FLI1: variants seen among roughly 807,000 people sequenced by gnomAD.
The protein encoded by FLI1 is Fli-1 proto-oncogene, ETS transcription factor.
Under a neutral mutation model 53.1 loss-of-function variants are expected in FLI1, and 13 were observed. The observed-to-expected ratio is 0.24, with a 90% CI of 0.16 to 0.39. The LOEUF (loss-of-function observed/expected upper bound fraction) is 0.39. Ranked by LOEUF, FLI1 falls within the 10% of genes least tolerant of loss-of-function variation. The pLI is 1.00. For synonymous variants in FLI1, 244 were observed against 236.7 expected, an observed-to-expected ratio of 1.03 and a Z score of -0.28; for missense variants, 424 against 600.5, an observed-to-expected ratio of 0.71 and a Z score of 3.07.
intron 1 of FLI1, among the ~76,000 whole-genome samples, chr11:128,699,834 A>C (rs1938245579): frequency 6.6e-6 from 1 of 152,174 alleles, no homozygotes; most frequent in Non-Finnish European, 1.5e-5. Context: ...TAATCTATGG[A>C]ATAAACCTTT....
chr11:128,789,280 A>G (rs1302957705), intron 5 of FLI1, among the ~76,000 whole-genome samples: 1 of 152,150 alleles, frequency 6.6e-6, no homozygotes, highest in African/African-American at 2.4e-5. Context: ...CCTGGGGTAG[A>G]ACCTGTGCAC....
chr11:128,807,144 G>A, intron 6 of FLI1, 36 bp from the exon 7 acceptor site: 1 of 1,515,604 alleles, frequency 6.6e-7, no homozygotes, highest in Non-Finnish European at 9.0e-7. Flanking sequence ...GGGGAGCTGG[G>A]TCCTACTCAC....
rs1242469003 is a variant in FLI1, at chr11:128,812,835, C to T, written c.*1847C>T. The T allele has an allele frequency of 1.7e-5, 2 of 116,800 alleles. No homozygotes were observed. The highest frequency in any genetic ancestry group is 4.1e-5 in the Non-Finnish European group (2 of 48,654). The allele number at this position is 116,800 out of a possible 1,614,324, so 7.2% of individuals were successfully genotyped here. On this transcript the variant is annotated 3_prime_UTR_variant, in exon 9 of 9. Coordinates refer to ENST00000527786, the MANE Select transcript of FLI1 (RefSeq NM_002017.5). ...GGTCTCAGACCAGGACTTTATGGCT[C>T]ATGCAGATTTTTAAGGTCATTTTTC...
chr11:128,787,546 A>G (rs760515234), intron 5 of FLI1, among the ~76,000 whole-genome samples: 17 of 152,152 alleles, frequency 1.1e-4, no homozygotes, highest in Non-Finnish European at 1.8e-4. Flanking sequence ...ATTATAGCAT[A>G]CTGATTAAAA....
intron 2 of FLI1, 148 bp from the exon 3 acceptor site, chr11:128,767,970 A>C: frequency 1.5e-6 from 1 of 651,864 alleles, no homozygotes; most frequent in Non-Finnish European, 2.6e-6. Context: ...GAGGATAGAA[A>C]GAGGGCATCA....
Position 128,768,198 on chromosome 11 carries a change from G to C in FLI1, c.311G>C (p.Ser104Thr). The C allele has an allele frequency of 6.2e-7, 1 of 1,613,892 alleles. No individual in the cohort carries two copies. Among genetic ancestry groups the C allele is most frequent in the Non-Finnish European group, 8.5e-7 (1 of 1,179,844 alleles). Residue 104 changes from serine to threonine, a missense_variant, in exon 3 of 9, where the codon AGC (serine) becomes ACC (threonine). Transcript: ENST00000527786. Reference sequence around the variant, plus strand: ...GAGTCCAACCCCATGAACTACAACAGCTATATGGACGAGAAGAATGGCCCC... The same window carrying C: ...GAGTCCAACCCCATGAACTACAACACCTATATGGACGAGAAGAATGGCCCC... ...GGESNPMNYN[S>T]YMDEKNGPPP...
rs571220802 is a variant in FLI1 at position 128,750,189 on chromosome 11, G to A, written c.19-7926G>A. Among the ~76,000 whole-genome samples, 30 of 152,314 alleles carry A rather than the reference G, an allele frequency of 2.0e-4. 1 individual carries two copies. In the South Asian group the frequency reaches 5.8e-3, roughly 29 times the overall value. On this transcript the variant is annotated intron_variant, in intron 1 of 8. Coordinates refer to ENST00000527786, the MANE Select transcript of FLI1 (RefSeq NM_002017.5). ...CCCTGCACTGGGAGCGGCGGAGTGG[G>A]CCCACTGAGCAGGGCAGCCACAGGG...
At chr11:128,738,899 G>A (rs1940014401) in intron 1 of FLI1, among the ~76,000 whole-genome samples, 1 of 152,202 alleles carries the variant, frequency 6.6e-6, no homozygotes, top group Non-Finnish European at 1.5e-5. Flanking sequence ...CAGTATCTAT[G>A]TTGGGCTTTT....
At chr11:128,760,415 G>A (rs1283576235) in intron 2 of FLI1, among the ~76,000 whole-genome samples, 1 of 151,582 alleles carries the variant, frequency 6.6e-6, no homozygotes, top group Non-Finnish European at 1.5e-5. Context: ...TCCTGCCAAC[G>A]CCCACCTGGT....
At chr11:128,751,488 C>G (rs187545955) in intron 1 of FLI1, among the ~76,000 whole-genome samples, 2 of 151,678 alleles carry the variant, frequency 1.3e-5, no homozygotes, top group Non-Finnish European at 2.9e-5. Flanking sequence ...TAGCTAGGAC[C>G]ACAGACACAC....
At chr11:128,792,516 C>T (rs141474813) in intron 5 of FLI1, among the ~76,000 whole-genome samples, 51 of 152,262 alleles carry the variant, frequency 3.3e-4, no homozygotes, top group African/African-American at 8.7e-4. Context: ...GCTTTGTCCA[C>T]GCTTATCAGT....
chr11:128,713,812 C>T (rs1451993966), intron 1 of FLI1, among the ~76,000 whole-genome samples: 3 of 152,122 alleles, frequency 2.0e-5, no homozygotes, highest in Non-Finnish European at 4.4e-5. Context: ...GAGAACAGGC[C>T]TTCCAATAAG....
chr11:128,694,212 G>A lies in FLI1; in HGVS notation c.-47G>A. 6.6e-7 allele frequency: 1 copy of A among 1,523,380 alleles called. No individual in the cohort carries two copies. Among genetic ancestry groups the A allele is most frequent in the Non-Finnish European group, 8.8e-7 (1 of 1,136,196 alleles). The allele number at this position is 1,523,380 out of a possible 1,614,324, so 94.4% of individuals were successfully genotyped here. A position where few individuals can be genotyped will look rare whatever the true frequency, so the allele number is the denominator to read the frequency against. The stretch of plus-strand genomic sequence containing the variant: ...GGGGCTGCGAGGTCAGGCTGTAACC[G>A]GGTCAATGTGTGGAATATTGGGGGG... On this transcript the variant is annotated 5_prime_UTR_variant, in exon 1 of 9. Coordinates refer to ENST00000527786, the MANE Select transcript of FLI1 (RefSeq NM_002017.5).
intron 7 of FLI1, among the ~76,000 whole-genome samples, chr11:128,807,889 G>A (rs747704871): frequency 5.9e-5 from 9 of 152,044 alleles, no homozygotes; most frequent in Non-Finnish European, 1.2e-4. Context: ...TGCTTCCTCC[G>A]AAATCCTTTG....
At chr11:128,735,432 G>A (rs75234879) in intron 1 of FLI1, among the ~76,000 whole-genome samples, 302 of 152,264 alleles carry the variant, frequency 2.0e-3, no homozygotes, top group Non-Finnish European at 2.8e-3. Flanking sequence ...GATTTAAGGT[G>A]GGCTTTTTAT....
chr11:128,764,322 C>T (rs769223434), intron 2 of FLI1, among the ~76,000 whole-genome samples: 1 of 152,182 alleles, frequency 6.6e-6, no homozygotes, highest in East Asian at 1.9e-4. Flanking sequence ...AAACAGAACT[C>T]GAGGAGTCAA....
rs779654903 is a variant in FLI1 at position 128,810,950 on chromosome 11, A to G, written c.1321A>G (p.Asn441Asp). 9 of 1,613,920 alleles carry G rather than the reference A, an allele frequency of 5.6e-6. No homozygotes were observed. Among genetic ancestry groups the G allele is most frequent in the Non-Finnish European group, 2.5e-6 (3 of 1,179,868 alleles). Residue 441 changes from asparagine to aspartate, a missense_variant, in exon 9 of 9, where the codon AAC (asparagine) becomes GAC (aspartate). Coordinates refer to ENST00000527786, the MANE Select transcript of FLI1 (RefSeq NM_002017.5). The surrounding 1 kb of genome is among the most constrained non-coding windows in gnomAD (Gnocchi z 6.6). The part of the protein sequence containing the change: ...YPNPNVPRHP[N>D]THVPSHLGSY... The stretch of plus-strand genomic sequence containing the variant: ...CAACCCCAACGTCCCCCGCCATCCT[A>G]ACACCCACGTGCCTTCACACTTAGG...
In FLI1 at chr11:128,812,319, T is replaced by C. The variant is rs1298905004; in HGVS notation, c.*1331T>C. ...AAAATATATATAATTTTGCAGGTAA[T>C]TGTTGACTTTTTTAACTATATTAAG... On this transcript the variant is annotated 3_prime_UTR_variant, in exon 9 of 9. Coordinates refer to ENST00000527786, the MANE Select transcript of FLI1 (RefSeq NM_002017.5). 1 of 218,900 alleles carries C rather than the reference T, an allele frequency of 4.6e-6. No individual in the cohort carries two copies. Among genetic ancestry groups the C allele is most frequent in the African/African-American group, 2.2e-5 (1 of 44,558 alleles). 13.6% of individuals were successfully genotyped at this position (218,900 alleles called of 1,614,324 possible).
rs371481291 is a variant in FLI1 at position 128,807,134 on chromosome 11, G to A, written c.722-46G>A. ...TCTGTCAAGACGTCTTGCTCCCCTC[G>A]GGGAGCTGGGTCCTACTCACTGCAT... On this transcript the variant is annotated intron_variant, in intron 6 of 8. Transcript: ENST00000527786. 34 of 1,366,374 alleles carry A rather than the reference G, an allele frequency of 2.5e-5. No individual in the cohort carries two copies. In the East Asian group the frequency reaches 3.0e-4, roughly 12 times the overall value. The allele number at this position is 1,366,374 out of a possible 1,614,324, so 84.6% of individuals were successfully genotyped here.
Sources: allele counts gnomAD v4.1 joint callset (sites outside exome capture counted in the v4.1 genomes callset), GRCh38; gene constraint gnomAD v4.1.1; non-coding constraint Gnocchi (gnomAD v3.1); transcripts MANE v1.5; gene names NCBI Gene and HGNC (gene_info 2026-07-23, HGNC 2026-07-21).